The following PDE10A variants were observed in gnomAD, a reference collection of about 807,000 sequenced individuals.
The protein encoded by PDE10A is cAMP and cAMP-inhibited cGMP 3',5'-cyclic phosphodiesterase 10A.
A neutral mutation model predicts 97.7 loss-of-function variants in PDE10A; 39 were observed. The observed-to-expected ratio is 0.40, with a 90% CI of 0.31 to 0.52. PDE10A has a LOEUF of 0.52. Ranked by LOEUF, PDE10A falls within the 20% of genes least tolerant of loss-of-function variation. The pLI is 0.56. For synonymous variants in PDE10A, 371 were observed against 376.8 expected (o/e 0.98, Z 0.18); for missense variants, 731 against 1,047.8 (o/e 0.70, Z 4.17).
intron 2 of PDE10A, among the ~76,000 whole-genome samples, chr6:165,535,251 T>TA (rs1783011424): frequency 6.6e-6 from 1 of 150,982 alleles, no homozygotes; most frequent in South Asian, 2.1e-4. Context: ...ATATATATGA[T>TA]ACATGTGTAG....
chr6:165,836,725 C>A (rs58726806), intron 1 of PDE10A, among the ~76,000 whole-genome samples: 13,301 of 152,066 alleles, frequency 0.087, 854 homozygotes, highest in East Asian at 0.26. Context: ...AGTGGGGGGT[C>A]AGAAGGGGAA....
intron 2 of PDE10A, among the ~76,000 whole-genome samples, chr6:165,527,811 C>T (rs1299684665): frequency 6.6e-6 from 1 of 152,162 alleles, no homozygotes; most frequent in Non-Finnish European, 1.5e-5. Context: ...TTCTCTTCCT[C>T]AGTCTGTCAG....
At chr6:165,967,695 C>T (rs573313395) in intron 1 of PDE10A, among the ~76,000 whole-genome samples, 1 of 152,292 alleles carries the variant, frequency 6.6e-6, no homozygotes, top group African/African-American at 2.4e-5. Flanking sequence ...TTGGGTAATA[C>T]ACATCTGTCT....
At position 165,780,300 on chromosome 6, in the gene PDE10A, T is replaced by C. The variant is rs528607715; in HGVS notation, c.-615+207229A>G. On this transcript the variant is annotated intron_variant, in intron 1 of 19. Coordinates refer to the PDE10A transcript ENST00000366882. Reference sequence around the variant, plus strand: ...ATTGAACATTTTCATATTTAATGAATGCCAGTATGTAATTAATAGAGATTA... The same window carrying C: ...ATTGAACATTTTCATATTTAATGAACGCCAGTATGTAATTAATAGAGATTA... 11 of 152,358 alleles carry C rather than the reference T, an allele frequency of 7.2e-5. No individual in the cohort carries two copies. The East Asian group carries it at 2.1e-3, about 29-fold the overall frequency. 9.4% of individuals were successfully genotyped at this position (152,358 alleles called of 1,614,324 possible).
intron 1 of PDE10A, among the ~76,000 whole-genome samples, chr6:165,900,259 G>T (rs572341944): frequency 6.6e-6 from 1 of 152,278 alleles, no homozygotes; most frequent in South Asian, 2.1e-4. Context: ...ATCACTTGAG[G>T]TCAGGAGTTC....
rs191638986 is a variant in PDE10A, at chr6:165,386,956, C to T, written c.2610+1342G>A. ...GCGTGAATCCAGGAGGCGGGGCGTG[C>T]AGTGAGCCCAGATCGCGCCACTGCA... On this transcript the variant is annotated intron_variant, in intron 17 of 21. Transcript: ENST00000539869. 2.8e-4 allele frequency among the ~76,000 whole-genome samples: 42 copies of T among 152,056 alleles called. No homozygotes were observed. In the East Asian group the frequency reaches 7.8e-3, roughly 28 times the overall value.
chr6:165,347,907 C>T (rs539395541), intron 18 of PDE10A, among the ~76,000 whole-genome samples: 1 of 152,170 alleles, frequency 6.6e-6, no homozygotes, highest in African/African-American at 2.4e-5. Context: ...AAGCACACAG[C>T]AATAGCTATG....
chr6:165,908,620 C>T (rs1475869350), intron 1 of PDE10A, among the ~76,000 whole-genome samples: 1 of 152,162 alleles, frequency 6.6e-6, no homozygotes, highest in African/African-American at 2.4e-5. Flanking sequence ...CTGCCAATTC[C>T]GTGTTGTATT....
intron 2 of PDE10A, among the ~76,000 whole-genome samples, chr6:165,520,102 C>T (rs1184899579): frequency 4.6e-5 from 7 of 152,132 alleles, no homozygotes; most frequent in Admixed American, 2.0e-4. Flanking sequence ...GTGACAATCA[C>T]GATATCCCCA....
chr6:165,386,755 C>G (rs897387429), intron 17 of PDE10A, among the ~76,000 whole-genome samples: 7 of 151,770 alleles, frequency 4.6e-5, no homozygotes, highest in Admixed American at 2.6e-4. Flanking sequence ...GTAATCCCAG[C>G]ACTTTGGGAG....
At chr6:165,421,518 T>C (rs767525953) in intron 10 of PDE10A, among the ~76,000 whole-genome samples, 1 of 152,126 alleles carries the variant, frequency 6.6e-6, no homozygotes, top group African/African-American at 2.4e-5. Flanking sequence ...AAAGAATATA[T>C]AGAAAACGTA....
chr6:165,688,031 C>G (rs955296344), intron 1 of PDE10A, among the ~76,000 whole-genome samples: 23 of 152,330 alleles, frequency 1.5e-4, no homozygotes, highest in East Asian at 3.9e-4. Context: ...GGCCAGCACA[C>G]GCACACCCCA....
intron 1 of PDE10A, among the ~76,000 whole-genome samples, chr6:165,782,330 G>A (rs1778361943): frequency 6.6e-6 from 1 of 152,142 alleles, no homozygotes; most frequent in Admixed American, 6.5e-5. Context: ...TGCTGTAGAC[G>A]AGTCTCCTCC....
chr6:165,649,223 TGGAA>T (rs2128424368), intron 1 of PDE10A, among the ~76,000 whole-genome samples: 1 of 151,906 alleles, frequency 6.6e-6, no homozygotes, highest in South Asian at 2.1e-4. Context: ...TCCAGTAACT[TGGAA>T]GGAAGTAGCA....
intron 2 of PDE10A, among the ~76,000 whole-genome samples, chr6:165,507,553 A>G (rs1215185209): frequency 6.6e-6 from 1 of 152,108 alleles, no homozygotes; most frequent in African/African-American, 2.4e-5. Context: ...AAGAAGTTCT[A>G]CAATCATCCA....
At chr6:165,430,614 T>G (rs987832215) in intron 8 of PDE10A, among the ~76,000 whole-genome samples, 2 of 120,732 alleles carry the variant, frequency 1.7e-5, no homozygotes, top group African/African-American at 5.2e-5. Context: ...ATAAAGATGT[T>G]AAGAACCTTA....
intron 1 of PDE10A, among the ~76,000 whole-genome samples, chr6:165,788,166 A>G (rs9348046): frequency 0.52 from 78,481 of 151,982 alleles, 20,918 homozygotes; most frequent in Non-Finnish European, 0.59. Context: ...ATATCTACAT[A>G]TATTATGTGT....
At chr6:165,899,171 T>C (rs1782035796) in intron 1 of PDE10A, among the ~76,000 whole-genome samples, 1 of 152,174 alleles carries the variant, frequency 6.6e-6, no homozygotes, top group African/African-American at 2.4e-5. Context: ...TACTAGTTAA[T>C]TTGGGGGATG....
chr6:165,804,259 A>G (rs575808884), intron 1 of PDE10A, among the ~76,000 whole-genome samples: 1 of 152,324 alleles, frequency 6.6e-6, no homozygotes, highest in Admixed American at 6.5e-5. Flanking sequence ...TATCAAAACA[A>G]TGACTCATCT....
Sources: gnomAD v4.1 joint callset for allele counts (sites outside exome capture counted in the v4.1 genomes callset) on GRCh38, gnomAD v4.1.1 for gene constraint, MANE v1.5 for transcripts, NCBI Gene and HGNC (gene_info 2026-07-23, HGNC 2026-07-21) for gene names.